The following SPAM1 variants were observed in gnomAD, a reference collection of about 807,000 sequenced individuals.
SPAM1 encodes sperm adhesion molecule 1.
In SPAM1, 22 loss-of-function variants were observed where a neutral mutation model predicts 29.6. The observed-to-expected ratio is 0.74, with a 90% CI of 0.53 to 1.06. The LOEUF is 1.06. Ranked by LOEUF, SPAM1 falls within the 50% of genes least tolerant of loss-of-function variation. The pLI is 0.00. For synonymous variants in SPAM1, 194 were observed against 204.6 expected (o/e 0.95, Z 0.44); for missense variants, 534 against 604.0 (o/e 0.88, Z 1.21).
chr7:123,952,097 T>C (rs553203825), intron 2 of SPAM1, among the ~76,000 whole-genome samples: 1 of 152,196 alleles, frequency 6.6e-6, no homozygotes, highest in Admixed American at 6.5e-5. Flanking sequence ...TAAAAGCAAT[T>C]AGTTTTTCCC....
chr7:123,958,323 A>T (rs1328929403), intron 4 of SPAM1, among the ~76,000 whole-genome samples: 2 of 152,036 alleles, frequency 1.3e-5, no homozygotes, highest in Non-Finnish European at 2.9e-5. Flanking sequence ...CTCAAAGGAC[A>T]GTGTCCAGGG....
chr7:123,933,264 C>T (rs1808146680), intron 1 of SPAM1, among the ~76,000 whole-genome samples: 1 of 151,942 alleles, frequency 6.6e-6, no homozygotes, highest in Non-Finnish European at 1.5e-5. Flanking sequence ...TGTTCCCCTC[C>T]CTGTGACCAT....
At chr7:123,966,931 A>G (rs550811725) in intron 5 of SPAM1, among the ~76,000 whole-genome samples, 1 of 151,788 alleles carries the variant, frequency 6.6e-6, no homozygotes, top group South Asian at 2.1e-4. Context: ...AAAAAATACA[A>G]TTTTTTTCTG....
intron 1 of SPAM1, among the ~76,000 whole-genome samples, chr7:123,938,867 G>C (rs886839689): frequency 5.3e-5 from 8 of 152,160 alleles, no homozygotes; most frequent in South Asian, 4.2e-4. Context: ...GCCTAACTTG[G>C]TACTGAGCCC....
chr7:123,963,735 AT>A (rs1051641964), downstream of SPAM1, among the ~76,000 whole-genome samples: 2 of 131,688 alleles, frequency 1.5e-5, no homozygotes, highest in African/African-American at 6.7e-5. Flanking sequence ...GGGAAGCCCA[AT>A]TCTTGTAGCA....
At chr7:123,960,718 C>G (rs2117073814), downstream of SPAM1, among the ~76,000 whole-genome samples, 1 of 151,932 alleles carries the variant, frequency 6.6e-6, no homozygotes, top group East Asian at 2.0e-4. Flanking sequence ...ACCACATATT[C>G]CAAATCCATT....
chr7:123,954,224 T>C lies in SPAM1; in HGVS notation c.654T>C (p.Tyr218=). The part of the protein sequence containing the change: ...KLLRPNHLWG[Y]YLFPDCYNHH... ...TTCGGCCAAATCACTTGTGGGGTTA[T>C]TATCTTTTTCCGGATTGTTACAACC... Residue 218 remains tyrosine (Y), a synonymous_variant, in exon 3 of 5, where the codon TAT becomes TAC. Transcript: ENST00000682466. 6.2e-7 allele frequency: 1 copy of C among 1,613,542 alleles called. No individual in the cohort carries two copies. The highest frequency in any genetic ancestry group is 8.5e-7 in the Non-Finnish European group (1 of 1,179,710).
chr7:123,937,404 A>G (rs189403850), intron 1 of SPAM1, among the ~76,000 whole-genome samples: 8 of 152,072 alleles, frequency 5.3e-5, no homozygotes, highest in Non-Finnish European at 8.8e-5. Context: ...GATCGAGACC[A>G]TCCTGGATAA....
At position 123,959,498 on chromosome 7, in the gene SPAM1, C is replaced by T. The variant is rs563527585; in HGVS notation, c.1059C>T (p.Leu353=). The T allele has an allele frequency of 5.6e-6, 9 of 1,601,030 alleles. No individual in the cohort carries two copies. In the South Asian group the frequency reaches 9.0e-5, roughly 16 times the overall value. The change falls in exon 5 of 5, where the codon CTC becomes CTT. Residue 353 remains leucine, a synonymous_variant. Transcript: ENST00000682466. ...TAATTTTACAGAAATCTTGCTTGCT[C>T]CTAGACAATTACATGGAGACTATAC... ...SIMRSMKSCL[L]LDNYMETILN... is the part of the protein sequence containing the mutation.
chr7:123,952,962 T>G (rs1792149635), intron 2 of SPAM1, among the ~76,000 whole-genome samples: 1 of 151,086 alleles, frequency 6.6e-6, no homozygotes, highest in Non-Finnish European at 1.5e-5. Flanking sequence ...CACAATTCTA[T>G]GAAAGGTTGT....
At position 123,970,611 on chromosome 7, in the gene SPAM1, T is replaced by TAATAATAATAATA. The variant is rs1554432387; in HGVS notation, c.*48+316_*48+317insATAATAATAATAA. 9.7e-3 allele frequency among the ~76,000 whole-genome samples: 989 copies of TAATAATAATAATA among 102,092 alleles called. 10 individuals carry two copies. Among genetic ancestry groups the TAATAATAATAATA allele is most frequent in the African/African-American group, 0.039 (925 of 23,868 alleles). 67.0% of individuals were successfully genotyped at this position (102,092 alleles called of 152,430 possible). The stretch of plus-strand genomic sequence containing the variant: ...CTCTACAAATAATAATAATAATAAT[T>TAATAATAATAATA]ATTATTATTATTATAGTAAGGCACT... On this transcript the variant is annotated intron_variant, in intron 6 of 6. Transcript: ENST00000340011.
chr7:123,939,064 G>A (rs940485105), intron 1 of SPAM1, among the ~76,000 whole-genome samples: 2 of 150,230 alleles, frequency 1.3e-5, no homozygotes, highest in African/African-American at 4.9e-5. Context: ...TTAGCATCTC[G>A]CATTTAGATG....
chr7:123,952,314 G>T (rs1792120851), intron 2 of SPAM1, among the ~76,000 whole-genome samples: 1 of 151,984 alleles, frequency 6.6e-6, no homozygotes, highest in Non-Finnish European at 1.5e-5. Context: ...TTTCAGCAAT[G>T]GGAATGACTG....
Position 123,954,173 on chromosome 7 carries a change from A to C in SPAM1, c.603A>C (p.Val201=), listed in dbSNP as rs1356061745. Residue 201 remains valine, a synonymous_variant, in exon 3 of 5, where the codon GTA becomes GTC. Coordinates refer to ENST00000682466, the MANE Select transcript of SPAM1 (RefSeq NM_153189.3). ...AAAAGGCAGGGAAGGATTTCCTGGT[A>C]GAGACTATAAAATTGGGAAAATTAC... ...EFEKAGKDFL[V]ETIKLGKLLR... 6.2e-7 allele frequency: 1 copy of C among 1,613,420 alleles called. No individual in the cohort carries two copies. The highest frequency in any genetic ancestry group is 8.5e-7 in the Non-Finnish European group (1 of 1,179,682).
chr7:123,964,599 A>G (rs139939330), downstream of SPAM1, among the ~76,000 whole-genome samples: 1 of 152,052 alleles, frequency 6.6e-6, no homozygotes, highest in Non-Finnish European at 1.5e-5. Context: ...GTGATAGCTC[A>G]TTGTAACCTT....
At chr7:123,946,388 G>C (rs1808576741) in intron 1 of SPAM1, among the ~76,000 whole-genome samples, 1 of 152,176 alleles carries the variant, frequency 6.6e-6, no homozygotes, top group Admixed American at 6.5e-5. Context: ...AGCCCAGTTG[G>C]AGATCTGTCA....
At position 123,935,090 on chromosome 7, in the gene SPAM1, G is replaced by A. The variant is rs1044271101; in HGVS notation, c.-319+9738G>A. Among the ~76,000 whole-genome samples, 36 of 152,146 alleles carry A rather than the reference G, an allele frequency of 2.4e-4. 1 individual carries two copies. The highest frequency in any genetic ancestry group is 1.2e-3 in the East Asian group (6 of 5,170). The stretch of plus-strand genomic sequence containing the variant: ...GTATACGTGTATTGAAACACACACC[G>A]TACCCTATAAATAGGTAAAATTATT... On this transcript the variant is annotated intron_variant, in intron 1 of 4. Transcript: ENST00000682466.
Position 123,959,959 on chromosome 7 carries a change from C to T in SPAM1, c.1520C>T (p.Ala507Val), listed in dbSNP as rs201638651. ...SILFLIISSV[A>V]SL The stretch of plus-strand genomic sequence containing the variant: ...TTGTTTCTTATCATTTCTTCTGTAG[C>T]GAGTTTGTAATTGCGCAGGTTAGCT... The change falls in exon 5 of 5, where the codon GCG becomes GTG. Residue 507 changes from alanine (A) to valine (V), a missense_variant. Coordinates refer to ENST00000682466, the MANE Select transcript of SPAM1 (RefSeq NM_153189.3). 88 of 1,605,568 alleles carry T rather than the reference C, an allele frequency of 5.5e-5. 1 individual carries two copies. The highest frequency in any genetic ancestry group is 4.9e-4 in the South Asian group (44 of 89,902).
intron 4 of SPAM1, among the ~76,000 whole-genome samples, chr7:123,955,791 T>C (rs1227852651): frequency 6.6e-6 from 1 of 151,990 alleles, no homozygotes; most frequent in Non-Finnish European, 1.5e-5. Context: ...ATAACTCTTT[T>C]GTCTTTAATT....
Sources: gnomAD v4.1 joint callset for allele counts (sites outside exome capture counted in the v4.1 genomes callset) on GRCh38, gnomAD v4.1.1 for gene constraint, MANE v1.5 for transcripts, NCBI Gene and HGNC (gene_info 2026-07-23, HGNC 2026-07-21) for gene names.